DGKB: variants seen among roughly 807,000 people sequenced by gnomAD.
DGKB encodes diacylglycerol kinase beta.
Under a neutral mutation model 114.3 loss-of-function variants are expected in DGKB, and 67 were observed. That is an observed-to-expected ratio of 0.59 (90% CI 0.48 to 0.72). The LOEUF (loss-of-function observed/expected upper bound fraction) is 0.72. DGKB is among the 30% of genes least tolerant of loss of function. The pLI is 0.00. For synonymous variants in DGKB, 398 were observed against 323.1 expected, an observed-to-expected ratio of 1.23 and a Z score of -2.49; for missense variants, 907 against 975.2, an observed-to-expected ratio of 0.93 and a Z score of 0.93.
intron 13 of DGKB, among the ~76,000 whole-genome samples, chr7:14,648,388 C>T (rs540975258): frequency 6.6e-6 from 1 of 152,306 alleles, no homozygotes; most frequent in South Asian, 2.1e-4. Context: ...GGGGCACACT[C>T]ACACCTCACA....
intron 1 of DGKB, among the ~76,000 whole-genome samples, chr7:14,948,257 C>A (rs1785989379): frequency 6.6e-6 from 1 of 151,736 alleles, no homozygotes; most frequent in Non-Finnish European, 1.5e-5. Flanking sequence ...AAATGTTTAA[C>A]AACTCTTAGC....
At chr7:14,387,411 CAAAAAAAA>C (rs34477734) in intron 21 of DGKB, among the ~76,000 whole-genome samples, 1 of 102,422 alleles carries the variant, frequency 9.8e-6, no homozygotes, top group African/African-American at 3.9e-5. Flanking sequence ...GACTCCATCT[CAAAAAAAA>C]AAAAAAAAAA....
intron 20 of DGKB, among the ~76,000 whole-genome samples, chr7:14,502,461 T>C (rs192327708): frequency 1.3e-5 from 2 of 152,218 alleles, no homozygotes; most frequent in African/African-American, 2.4e-5. Flanking sequence ...AATGGCTGTT[T>C]AAAGCCATTA....
At chr7:14,229,938 A>T (rs745542227) in intron 23 of DGKB, among the ~76,000 whole-genome samples, 11 of 152,150 alleles carry the variant, frequency 7.2e-5, no homozygotes, top group Middle Eastern at 3.4e-3. Flanking sequence ...TTTGTACATA[A>T]ATGCAATGTA....
chr7:14,518,536 A>G (rs1341786757), intron 20 of DGKB, among the ~76,000 whole-genome samples: 1 of 152,106 alleles, frequency 6.6e-6, no homozygotes, highest in African/African-American at 2.4e-5. Flanking sequence ...CGTGAACTTT[A>G]AAACTTTGTG....
chr7:14,526,322 T>C (rs1346853633), intron 20 of DGKB, among the ~76,000 whole-genome samples: 2 of 152,230 alleles, frequency 1.3e-5, no homozygotes, highest in Non-Finnish European at 2.9e-5. Context: ...ACTCATAAGA[T>C]ACCAGTAGCA....
At chr7:14,448,928 A>G (rs1192556711) in intron 21 of DGKB, among the ~76,000 whole-genome samples, 1 of 152,100 alleles carries the variant, frequency 6.6e-6, no homozygotes, top group African/African-American at 2.4e-5. Flanking sequence ...ACAGAATTCA[A>G]TAAGAAGAAT....
chr7:14,170,145 A>AAAAAGAAAGAAAGAAAG lies in DGKB; in HGVS notation c.2304+6693_2304+6694insCTTTCTTTCTTTCTTTT, dbSNP rs1369239302. On this transcript the variant is annotated intron_variant, in intron 25 of 25. Transcript: ENST00000402815. ...GAGAAACTCCATCTCAAAAAAAAAA[A>AAAAAGAAAGAAAGAAAG]AAAGAAAGAAAGAAAGAAAGAAAGA... Among the ~76,000 whole-genome samples, 11 of 100,006 alleles carry AAAAAGAAAGAAAGAAAG rather than the reference A, an allele frequency of 1.1e-4. No individual in the cohort carries two copies. The East Asian group carries it at 2.5e-3, about 23-fold the overall frequency. 65.6% of individuals were successfully genotyped at this position (100,006 alleles called of 152,430 possible).
At chr7:14,394,361 T>A (rs527674708) in intron 21 of DGKB, among the ~76,000 whole-genome samples, 1 of 152,228 alleles carries the variant, frequency 6.6e-6, no homozygotes, top group Non-Finnish European at 1.5e-5. Context: ...TTTCTTTGAA[T>A]AGATTTATTT....
intron 23 of DGKB, among the ~76,000 whole-genome samples, chr7:14,225,109 T>C (rs1299098426): frequency 6.6e-6 from 1 of 152,048 alleles, no homozygotes; most frequent in Non-Finnish European, 1.5e-5. Context: ...TTACCTTCAC[T>C]GTTTTTGAAA....
At chr7:14,929,885 A>C (rs988166616) in intron 1 of DGKB, among the ~76,000 whole-genome samples, 5 of 151,902 alleles carry the variant, frequency 3.3e-5, no homozygotes, top group African/African-American at 1.2e-4. Context: ...ATCCATTTTG[A>C]GTTGATTTTT....
At chr7:14,156,332 A>G (rs1274679634) in intron 25 of DGKB, among the ~76,000 whole-genome samples, 1 of 152,150 alleles carries the variant, frequency 6.6e-6, no homozygotes, top group African/African-American at 2.4e-5. Context: ...AGTCATTCAT[A>G]TTGCTTCAGG....
At chr7:14,328,915 G>C (rs1329540026) in intron 23 of DGKB, among the ~76,000 whole-genome samples, 1 of 151,880 alleles carries the variant, frequency 6.6e-6, no homozygotes, top group Non-Finnish European at 1.5e-5. Context: ...ATAATAACCT[G>C]AGTTGACAAA....
chr7:14,861,310 T>C (rs1280213236), intron 1 of DGKB, among the ~76,000 whole-genome samples: 1 of 145,468 alleles, frequency 6.9e-6, no homozygotes, highest in Non-Finnish European at 1.5e-5. Flanking sequence ...TTTTTGAGTA[T>C]AAAAACGTAT....
At chr7:14,162,278 T>A (rs1342115740) in intron 25 of DGKB, among the ~76,000 whole-genome samples, 1 of 152,214 alleles carries the variant, frequency 6.6e-6, no homozygotes. Flanking sequence ...ACCTGTGCAT[T>A]ATTATTCTGA....
chr7:14,969,112 A>T (rs763459179), intron 1 of DGKB, among the ~76,000 whole-genome samples: 1 of 152,202 alleles, frequency 6.6e-6, no homozygotes, highest in African/African-American at 2.4e-5. Context: ...GTGATATCAG[A>T]GAACAACCAA....
intron 18 of DGKB, among the ~76,000 whole-genome samples, chr7:14,581,677 T>C (rs1405862688): frequency 2.0e-5 from 3 of 152,142 alleles, no homozygotes; most frequent in African/African-American, 4.8e-5. Flanking sequence ...TGTTTCTTCC[T>C]CCTTAGCCCC....
chr7:14,151,321 T>C (rs1443576157), intron 25 of DGKB, among the ~76,000 whole-genome samples: 1 of 151,980 alleles, frequency 6.6e-6, no homozygotes, highest in African/African-American at 2.4e-5. Context: ...TAGCCATTTA[T>C]ATATATATGT....
chr7:14,594,565 A>G (rs1294979372), intron 17 of DGKB, among the ~76,000 whole-genome samples: 4 of 152,108 alleles, frequency 2.6e-5, no homozygotes, highest in Admixed American at 2.6e-4. Context: ...GAAAGCACAT[A>G]TATTTTATGG....
Sources: allele counts gnomAD v4.1 joint callset (sites outside exome capture counted in the v4.1 genomes callset), GRCh38; gene constraint gnomAD v4.1.1; transcripts MANE v1.5; gene names NCBI Gene and HGNC (gene_info 2026-07-23, HGNC 2026-07-21).